Variants in DPP6 observed in about 807,000 individuals in gnomAD.
DPP6 encodes the protein dipeptidyl peptidase like 6.
In DPP6, 69 loss-of-function variants were observed where a neutral mutation model predicts 122.6. The observed-to-expected ratio is 0.56, with a 90% CI of 0.46 to 0.69. The LOEUF is 0.69. Ranked by LOEUF, DPP6 falls within the 30% of genes least tolerant of loss-of-function variation. The probability of loss-of-function intolerance (pLI) is 0.00; values close to 1 mark genes in which losing one functional copy is unlikely to be tolerated. For missense variants in DPP6, 928 were observed against 1,116.9 expected, an observed-to-expected ratio of 0.83 and a Z score of 2.41; for synonymous variants, 418 against 433.1, an observed-to-expected ratio of 0.97 and a Z score of 0.43.
At chr7:154,133,217 G>A (rs1795377919) in intron 1 of DPP6, among the ~76,000 whole-genome samples, 1 of 152,156 alleles carries the variant, frequency 6.6e-6, no homozygotes, top group Non-Finnish European at 1.5e-5. Context: ...AATGCCCCAG[G>A]TCACATAGCT....
intron 1 of DPP6, among the ~76,000 whole-genome samples, chr7:154,361,407 G>A (rs1361638029): frequency 6.6e-6 from 1 of 152,154 alleles, no homozygotes; most frequent in African/African-American, 2.4e-5. Context: ...GTTTCTTCCT[G>A]CCTGCACTGG....
At chr7:154,383,849 C>G (rs1421595887) in intron 1 of DPP6, among the ~76,000 whole-genome samples, 1 of 144,088 alleles carries the variant, frequency 6.9e-6, no homozygotes. Flanking sequence ...AAGATTGTGC[C>G]ACTGCACTCC....
chr7:154,832,335 A>G (rs916332732), intron 16 of DPP6, among the ~76,000 whole-genome samples: 3 of 152,190 alleles, frequency 2.0e-5, no homozygotes, highest in Non-Finnish European at 4.4e-5. Context: ...TCCATGTGCC[A>G]GGGACTTTGT....
Position 154,618,642 on chromosome 7 carries a change from C to A in DPP6, c.628-19179C>A, listed in dbSNP as rs371858843. Among the ~76,000 whole-genome samples the A allele has an allele frequency of 6.6e-6, 1 of 152,210 alleles. No individual in the cohort carries two copies. Among genetic ancestry groups the A allele is most frequent in the East Asian group, 1.9e-4 (1 of 5,190 alleles). On this transcript the variant is annotated intron_variant, in intron 5 of 25. Transcript: ENST00000377770. This position sits in a 1 kb window ranked among gnomAD's most constrained non-coding sequence, Gnocchi z 4.1. ...GGATCGCTAGAAGCCGGGGCCACAG[C>A]CCAGCTTCCACCCTCCTGATGGGGA...
At chr7:154,229,754 G>A (rs1236284936) in intron 1 of DPP6, among the ~76,000 whole-genome samples, 2 of 151,934 alleles carry the variant, frequency 1.3e-5, no homozygotes, top group African/African-American at 4.8e-5. Context: ...AATTTTATCA[G>A]AATTCATGTT....
chr7:153,878,819 A>G, the DPP6 span, among the ~76,000 whole-genome samples: 1 of 152,150 alleles, frequency 6.6e-6, no homozygotes, highest in South Asian at 2.1e-4. Context: ...CAGAAGGAAG[A>G]GGAGAGTATT....
chr7:154,409,859 T>C (rs1268901954), intron 1 of DPP6, among the ~76,000 whole-genome samples: 2 of 152,228 alleles, frequency 1.3e-5, no homozygotes, highest in East Asian at 1.9e-4. Flanking sequence ...GGAGGCTTAA[T>C]TCTTGCCTGT....
At chr7:154,172,751 C>T (rs1287175640) in intron 1 of DPP6, among the ~76,000 whole-genome samples, 1 of 152,042 alleles carries the variant, frequency 6.6e-6, no homozygotes, top group Non-Finnish European at 1.5e-5. Flanking sequence ...CAGGTGCCCA[C>T]CATACGCTTG....
intron 1 of DPP6, among the ~76,000 whole-genome samples, chr7:154,061,868 C>A (rs1221942792): frequency 7.6e-6 from 1 of 132,450 alleles, no homozygotes; most frequent in Non-Finnish European, 1.7e-5. Context: ...GGCGGAGGCA[C>A]CCCCCGCGAG....
At chr7:154,611,262 A>G (rs1216827915) in intron 5 of DPP6, among the ~76,000 whole-genome samples, 2 of 152,226 alleles carry the variant, frequency 1.3e-5, no homozygotes, top group Non-Finnish European at 2.9e-5. Context: ...TAGTTCAGAT[A>G]AATGATGTTG....
chr7:153,847,583 C>A, the DPP6 span, among the ~76,000 whole-genome samples: 3 of 152,112 alleles, frequency 2.0e-5, no homozygotes, highest in African/African-American at 7.2e-5. Context: ...CAGGGCTGAT[C>A]ACCCTGAATT....
intron 7 of DPP6, among the ~76,000 whole-genome samples, chr7:154,673,895 T>A (rs1838728823): frequency 6.7e-6 from 1 of 149,750 alleles, no homozygotes; most frequent in Admixed American, 6.6e-5. Context: ...TTTTTTTTTT[T>A]AACTGGAATC....
intron 10 of DPP6, among the ~76,000 whole-genome samples, chr7:154,774,083 G>T (rs1460503827): frequency 6.6e-6 from 1 of 152,168 alleles, no homozygotes. Context: ...TCTAGGAAGC[G>T]TGAGGCACTG....
the DPP6 span, among the ~76,000 whole-genome samples, chr7:153,769,374 G>T: frequency 6.6e-6 from 1 of 152,138 alleles, no homozygotes; most frequent in African/African-American, 2.4e-5. Context: ...CACAATCTTG[G>T]TCAGGACCTC....
chr7:154,195,311 G>T lies in DPP6; in HGVS notation c.243+142248G>T, dbSNP rs1188780545. ...ACTTGCAAAGCCACACTTCCAACCT[G>T]CATTAGGAATGGACGGTTACAAGGG... On this transcript the variant is annotated intron_variant, in intron 1 of 25. Transcript: ENST00000377770. Among the ~76,000 whole-genome samples the T allele has an allele frequency of 2.0e-5, 3 of 152,246 alleles. No homozygotes were observed. In the East Asian group the frequency reaches 5.8e-4, roughly 29 times the overall value.
chr7:154,790,670 G>A (rs1205740407), intron 10 of DPP6, among the ~76,000 whole-genome samples: 1 of 152,064 alleles, frequency 6.6e-6, no homozygotes, highest in East Asian at 1.9e-4. Context: ...GGCCTCTGAG[G>A]TGAGCCACAT....
At chr7:154,079,741 T>C (rs2150526274) in intron 1 of DPP6, among the ~76,000 whole-genome samples, 1 of 152,122 alleles carries the variant, frequency 6.6e-6, no homozygotes, top group African/African-American at 2.4e-5. Flanking sequence ...AGTCTGGACT[T>C]TGCTCCTCTG....
intron 1 of DPP6, among the ~76,000 whole-genome samples, chr7:154,263,844 C>T (rs1803194556): frequency 6.6e-6 from 1 of 152,130 alleles, no homozygotes; most frequent in South Asian, 2.1e-4. Flanking sequence ...GTGCCCACTA[C>T]CACACACGGC....
chr7:153,775,877 A>G, the DPP6 span, among the ~76,000 whole-genome samples: 7 of 152,216 alleles, frequency 4.6e-5, no homozygotes, highest in African/African-American at 7.2e-5. Flanking sequence ...TATTTACAGG[A>G]TCTGTATGCT....
Sources: gnomAD v4.1 joint callset for allele counts (sites outside exome capture counted in the v4.1 genomes callset) on GRCh38, gnomAD v4.1.1 for gene constraint, Gnocchi (gnomAD v3.1) non-coding constraint, MANE v1.5 for transcripts, NCBI Gene and HGNC (gene_info 2026-07-23, HGNC 2026-07-21) for gene names.